Variants in THSD7B observed in about 807,000 individuals in gnomAD.
THSD7B encodes the protein thrombospondin type-1 domain-containing protein 7B.
A neutral mutation model predicts 213.6 loss-of-function variants in THSD7B; 138 were observed. The observed-to-expected ratio is 0.65, with a 90% CI of 0.56 to 0.74. THSD7B has a LOEUF of 0.74. Ranked by LOEUF, THSD7B falls within the 30% of genes least tolerant of loss-of-function variation. The pLI is 0.00. For synonymous variants in THSD7B, 742 were observed against 687.0 expected, an observed-to-expected ratio of 1.08 and a Z score of -1.25; for missense variants, 1,931 against 1,991.5, an observed-to-expected ratio of 0.97 and a Z score of 0.58.
chr2:137,360,137 A>G (rs1029311739), intron 12 of THSD7B, among the ~76,000 whole-genome samples: 2 of 152,198 alleles, frequency 1.3e-5, no homozygotes, highest in African/African-American at 4.8e-5. Flanking sequence ...GGGTCCTCGG[A>G]AACCGTGGCT....
chr2:136,803,759 C>G (rs1318237289), intron 1 of THSD7B, among the ~76,000 whole-genome samples: 6 of 152,142 alleles, frequency 3.9e-5, no homozygotes, highest in Admixed American at 3.9e-4. Context: ...AAATGCACTT[C>G]AAGTCCAAAG....
At chr2:137,077,240 G>A (rs1195461154) in intron 3 of THSD7B, among the ~76,000 whole-genome samples, 2 of 152,004 alleles carry the variant, frequency 1.3e-5, no homozygotes, top group Admixed American at 6.6e-5. Flanking sequence ...GGACATTTGG[G>A]TTGGTTCCAT....
intron 2 of THSD7B, among the ~76,000 whole-genome samples, chr2:136,946,294 C>T (rs1558862859): frequency 6.6e-6 from 1 of 152,176 alleles, no homozygotes; most frequent in South Asian, 2.1e-4. Flanking sequence ...CCAGTGGAGG[C>T]TGCAGAACTG....
At chr2:137,676,313 A>G (rs1007580688) in intron 27 of THSD7B, among the ~76,000 whole-genome samples, 1 of 152,230 alleles carries the variant, frequency 6.6e-6, no homozygotes, top group African/African-American at 2.4e-5. Context: ...ATTCCACTAA[A>G]CCAATTTTAA....
At chr2:136,966,320 T>G (rs1214844526) in intron 2 of THSD7B, among the ~76,000 whole-genome samples, 1 of 152,002 alleles carries the variant, frequency 6.6e-6, no homozygotes, top group Admixed American at 6.6e-5. Context: ...CAGCCTCAAG[T>G]GATCCTCCCA....
At chr2:137,279,385 T>C (rs1682945875) in intron 12 of THSD7B, among the ~76,000 whole-genome samples, 1 of 151,594 alleles carries the variant, frequency 6.6e-6, no homozygotes, top group Non-Finnish European at 1.5e-5. Context: ...AAATAGAAAT[T>C]TTAAAAAAAG....
chr2:137,351,620 A>C (rs1308138780), intron 12 of THSD7B, among the ~76,000 whole-genome samples: 1 of 151,954 alleles, frequency 6.6e-6, no homozygotes, highest in Non-Finnish European at 1.5e-5. Context: ...GTAGAACAGT[A>C]CGAGCAAATT....
At chr2:136,783,042 T>TA (rs145295400) in intron 1 of THSD7B, among the ~76,000 whole-genome samples, 6,198 of 152,298 alleles carry the variant, frequency 0.041, 405 homozygotes, top group African/African-American at 0.14. Flanking sequence ...GTTGCAAACT[T>TA]ACGCTGAGTA....
intron 1 of THSD7B, among the ~76,000 whole-genome samples, chr2:136,875,427 A>G (rs779270448): frequency 2.0e-5 from 3 of 152,238 alleles, no homozygotes; most frequent in Admixed American, 1.3e-4. Context: ...CAAAAAATAA[A>G]TAAAGAAAGA....
intron 14 of THSD7B, among the ~76,000 whole-genome samples, chr2:137,437,148 A>G (rs569928894): frequency 6.6e-6 from 1 of 152,188 alleles, no homozygotes; most frequent in Non-Finnish European, 1.5e-5. Flanking sequence ...ATGAATGCAA[A>G]GTACATTCTA....
At chr2:137,393,468 T>A (rs902693692) in intron 12 of THSD7B, among the ~76,000 whole-genome samples, 25 of 149,552 alleles carry the variant, frequency 1.7e-4, no homozygotes, top group Non-Finnish European at 2.5e-4. Flanking sequence ...ATTTCATCCA[T>A]GTCCCTACAA....
chr2:137,142,661 C>CT (rs1679611024), intron 5 of THSD7B, among the ~76,000 whole-genome samples: 1 of 151,846 alleles, frequency 6.6e-6, no homozygotes, highest in African/African-American at 2.4e-5. Context: ...ACTTTTATGT[C>CT]TTTTTTATGT....
At chr2:137,367,927 C>T (rs138351214) in intron 12 of THSD7B, among the ~76,000 whole-genome samples, 1,758 of 152,140 alleles carry the variant, frequency 0.012, 19 homozygotes, top group Non-Finnish European at 0.018. Flanking sequence ...CTCCAAATAC[C>T]GTCACTTGGG....
chr2:137,014,229 C>G (rs1443768982), intron 2 of THSD7B, among the ~76,000 whole-genome samples: 1 of 152,136 alleles, frequency 6.6e-6, no homozygotes, highest in Admixed American at 6.6e-5. Flanking sequence ...GAAGTTAGGA[C>G]GTGGTCGAGG....
chr2:137,310,520 T>C (rs571476346), intron 12 of THSD7B, among the ~76,000 whole-genome samples: 38 of 151,002 alleles, frequency 2.5e-4, no homozygotes, highest in African/African-American at 8.7e-4. Flanking sequence ...GAGATCCCAT[T>C]TGTCAATTTT....
chr2:137,555,024 G>A (rs1226542827), intron 15 of THSD7B, among the ~76,000 whole-genome samples: 1 of 152,196 alleles, frequency 6.6e-6, no homozygotes, highest in Non-Finnish European at 1.5e-5. Flanking sequence ...TGAGGCTTGA[G>A]TAGGTAAATA....
chr2:136,813,000 C>T (rs1031722812), intron 1 of THSD7B, among the ~76,000 whole-genome samples: 3 of 152,000 alleles, frequency 2.0e-5, no homozygotes, highest in Non-Finnish European at 4.4e-5. Context: ...GACATTTGGC[C>T]GGCAATTAAA....
At chr2:137,660,059 A>G (rs1276125337) in intron 25 of THSD7B, among the ~76,000 whole-genome samples, 1 of 152,198 alleles carries the variant, frequency 6.6e-6, no homozygotes, top group East Asian at 1.9e-4. Context: ...CGCCTCAACT[A>G]TTTTGAAAGA....
chr2:137,599,202 AG>A (rs1404090146), intron 17 of THSD7B, among the ~76,000 whole-genome samples: 2 of 151,694 alleles, frequency 1.3e-5, no homozygotes, highest in East Asian at 3.9e-4. Context: ...GTCCCTACAA[AG>A]GATATGAACT....
Sources: gnomAD v4.1 joint callset for allele counts (sites outside exome capture counted in the v4.1 genomes callset) on GRCh38, gnomAD v4.1.1 for gene constraint, MANE v1.5 for transcripts, NCBI Gene and HGNC (gene_info 2026-07-23, HGNC 2026-07-21) for gene names.